The following ENOX1 variants were observed in gnomAD, a reference collection of about 807,000 sequenced individuals.
The protein encoded by ENOX1 is ecto-NOX disulfide-thiol exchanger 1.
A neutral mutation model predicts 82.5 loss-of-function variants in ENOX1; 42 were observed. The observed-to-expected ratio is 0.51, with a 90% confidence interval of 0.40 to 0.66. The LOEUF (loss-of-function observed/expected upper bound fraction) is 0.66, where lower values mean the gene tolerates loss of function less well. Ranked by LOEUF, ENOX1 falls within the 30% of genes least tolerant of loss-of-function variation. The probability of loss-of-function intolerance (pLI) is 0.00; values close to 1 mark genes in which losing one functional copy is unlikely to be tolerated. For missense variants in ENOX1, 608 were observed against 811.6 expected (o/e 0.75, Z 3.05); for synonymous variants, 271 against 282.2 (o/e 0.96, Z 0.40).
chr13:43,470,350 ATATG>A (rs532403616), intron 3 of ENOX1, among the ~76,000 whole-genome samples: 2 of 40,746 alleles, frequency 4.9e-5, no homozygotes, highest in East Asian at 3.8e-3. Context: ...ACGTATATAT[ATATG>A]TATATATATA....
At chr13:43,218,501 C>T (rs924482014) in intron 16 of ENOX1, among the ~76,000 whole-genome samples, 2 of 152,086 alleles carry the variant, frequency 1.3e-5, no homozygotes, top group Non-Finnish European at 2.9e-5. Flanking sequence ...TGGCATGTCC[C>T]TGTGGTCCCA....
intron 14 of ENOX1, among the ~76,000 whole-genome samples, chr13:43,245,623 T>C (rs1186854297): frequency 6.6e-6 from 1 of 152,172 alleles, no homozygotes; most frequent in Non-Finnish European, 1.5e-5. Flanking sequence ...GCTGATCTAA[T>C]CAGTTGTGAA....
At chr13:43,276,113 A>G (rs938913269) in intron 12 of ENOX1, among the ~76,000 whole-genome samples, 4 of 152,164 alleles carry the variant, frequency 2.6e-5, no homozygotes, top group Non-Finnish European at 5.9e-5. Flanking sequence ...TAACTTTGCT[A>G]TAAATCAGAT....
At chr13:43,276,773 G>C (rs1337434020) in intron 12 of ENOX1, among the ~76,000 whole-genome samples, 3 of 152,222 alleles carry the variant, frequency 2.0e-5, no homozygotes, top group Non-Finnish European at 4.4e-5. Flanking sequence ...GAGAGAGCCT[G>C]TCTCTGGGGA....
intron 9 of ENOX1, among the ~76,000 whole-genome samples, chr13:43,329,692 T>C (rs1015028382): frequency 2.6e-5 from 4 of 152,156 alleles, no homozygotes; most frequent in Non-Finnish European, 5.9e-5. Context: ...ACTTATGAAC[T>C]TATACACTTT....
At chr13:43,584,519 T>C (rs1474879365) in intron 2 of ENOX1, among the ~76,000 whole-genome samples, 10 of 152,190 alleles carry the variant, frequency 6.6e-5, no homozygotes. Flanking sequence ...GCAGAGACTA[T>C]GGGATCTAAC....
intron 10 of ENOX1, among the ~76,000 whole-genome samples, chr13:43,324,291 G>A (rs2047980837): frequency 6.6e-6 from 1 of 152,158 alleles, no homozygotes; most frequent in South Asian, 2.1e-4. Flanking sequence ...TAGTCCCTGC[G>A]ATTAATGACA....
chr13:43,247,883 ATTT>A (rs869265102), intron 14 of ENOX1, among the ~76,000 whole-genome samples: 4 of 14,652 alleles, frequency 2.7e-4, no homozygotes, highest in Non-Finnish European at 5.5e-4. Context: ...ATATATATAT[ATTT>A]TTTTTTTTTT....
intron 1 of ENOX1, among the ~76,000 whole-genome samples, chr13:43,765,028 C>T (rs1013060371): frequency 5.3e-5 from 8 of 152,198 alleles, no homozygotes; most frequent in Admixed American, 4.6e-4. Flanking sequence ...GCCTTAGCCC[C>T]CACTCACGTC....
chr13:43,686,320 T>C (rs2086074211), intron 1 of ENOX1, among the ~76,000 whole-genome samples: 1 of 152,168 alleles, frequency 6.6e-6, no homozygotes, highest in Non-Finnish European at 1.5e-5. Flanking sequence ...GGGATGTGAA[T>C]GCATGCTATC....
At chr13:43,397,785 T>C (rs762949814) in intron 5 of ENOX1, among the ~76,000 whole-genome samples, 3 of 152,226 alleles carry the variant, frequency 2.0e-5, no homozygotes, top group Admixed American at 6.5e-5. Context: ...TTTTTCAAGA[T>C]AATAACCAAT....
At chr13:43,705,320 C>A (rs2087189955) in intron 1 of ENOX1, among the ~76,000 whole-genome samples, 2 of 27,338 alleles carry the variant, frequency 7.3e-5, no homozygotes, top group South Asian at 3.6e-3. Flanking sequence ...CTCTCTCTCT[C>A]TCTCTCTCTC....
chr13:43,566,128 C>T (rs909936861), intron 2 of ENOX1, among the ~76,000 whole-genome samples: 4 of 152,134 alleles, frequency 2.6e-5, no homozygotes, highest in Admixed American at 1.3e-4. Context: ...TAAAATTATG[C>T]TTTCTTACAC....
chr13:43,593,880 G>A (rs56162724), intron 2 of ENOX1, among the ~76,000 whole-genome samples: 1 of 152,122 alleles, frequency 6.6e-6, no homozygotes, highest in Non-Finnish European at 1.5e-5. Context: ...CTAAAACTGG[G>A]AGTTCATCCA....
chr13:43,320,336 C>A (rs1330006842), intron 11 of ENOX1, among the ~76,000 whole-genome samples: 1 of 152,184 alleles, frequency 6.6e-6, no homozygotes, highest in African/African-American at 2.4e-5. Flanking sequence ...ACTTGGCATA[C>A]AACATGCCCT....
chr13:43,601,177 A>C (rs2081700907), intron 2 of ENOX1, among the ~76,000 whole-genome samples: 1 of 152,122 alleles, frequency 6.6e-6, no homozygotes, highest in African/African-American at 2.4e-5. Context: ...GACCTCACCA[A>C]ATGAATTAAA....
At chr13:43,400,004 G>A (rs1271355431) in intron 5 of ENOX1, among the ~76,000 whole-genome samples, 2 of 152,078 alleles carry the variant, frequency 1.3e-5, no homozygotes, top group South Asian at 4.2e-4. Context: ...GTGTAGTCCA[G>A]CTCTGAAATT....
At chr13:43,226,861 A>G (rs2042049759) in intron 15 of ENOX1, among the ~76,000 whole-genome samples, 1 of 152,224 alleles carries the variant, frequency 6.6e-6, no homozygotes, top group Admixed American at 6.5e-5. Flanking sequence ...CAGGGCTGAG[A>G]CAGGGAGTGG....
At chr13:43,292,348 A>G (rs542672852) in intron 12 of ENOX1, among the ~76,000 whole-genome samples, 38 of 152,354 alleles carry the variant, frequency 2.5e-4, no homozygotes, top group African/African-American at 8.9e-4. Flanking sequence ...AAAATGGAAG[A>G]TACTAGGAAA....
Sources: allele counts gnomAD v4.1 joint callset (sites outside exome capture counted in the v4.1 genomes callset), GRCh38; gene constraint gnomAD v4.1.1; transcripts MANE v1.5; gene names NCBI Gene and HGNC (gene_info 2026-07-23, HGNC 2026-07-21).